PAQR9: variants seen among roughly 807,000 people sequenced by gnomAD.
The protein encoded by PAQR9 is membrane progestin receptor epsilon.
Under a neutral mutation model 24.0 loss-of-function variants are expected in PAQR9, and 12 were observed. The ratio of observed to expected loss-of-function variants is 0.50; its 90% CI spans 0.32 to 0.81. The LOEUF (loss-of-function observed/expected upper bound fraction) is 0.81. PAQR9 is among the 30% of genes least tolerant of loss of function. PAQR9 has a pLI of 0.03. For synonymous variants in PAQR9, 266 were observed against 237.6 expected, an observed-to-expected ratio of 1.12 and a Z score of -1.10; for missense variants, 418 against 520.8, an observed-to-expected ratio of 0.80 and a Z score of 1.92.
At position 142,962,706 on chromosome 3, in the gene PAQR9, C is replaced by T; in HGVS notation, c.631G>A (p.Ala211Thr). ...ACGAAGGCCACAGGCAGCACCAGGG[C>T]GCGGTAGGCGGCGATAAGGCGCGTG... ...DCTRLIAAYR[A>T]LVLPVAFVLA... Residue 211 changes from alanine to threonine, a missense_variant, in exon 1 of 1, where the codon GCC becomes ACC. Ala to Thr is a moderately conservative substitution (Grantham distance 58, BLOSUM62 0). Around this residue, in one of 3 missense-constraint regions of PAQR9, gnomAD observed 230 missense variants for 305.2 expected, o/e 0.75. Coordinates refer to ENST00000340634, the MANE Select transcript of PAQR9 (RefSeq NM_198504.4). 1.9e-6 allele frequency: 3 copies of T among 1,612,558 alleles called. No homozygotes were observed. The highest frequency in any genetic ancestry group is 2.5e-6 in the Non-Finnish European group (3 of 1,179,630).
rs1297131626 is a variant in PAQR9 at position 142,963,627 on chromosome 3, A to AGCG, written c.-294_-292dup. ...GGCGCGCGGCCGCCCGCGCTGCGGC[A>AGCG]GCGGCGGCGGCGCGGCTGACTGCGG... On this transcript the variant is annotated 5_prime_UTR_variant, in exon 1 of 1. Transcript: ENST00000340634. The AGCG allele has an allele frequency of 1.4e-6, 1 of 707,854 alleles. No individual in the cohort carries two copies. Among genetic ancestry groups the AGCG allele is most frequent in the African/African-American group, 1.9e-5 (1 of 51,452 alleles). The allele number at this position is 707,854 out of a possible 1,614,324, so 43.8% of individuals were successfully genotyped here.
In PAQR9 at chr3:142,960,596, A is replaced by G. The variant is rs1022123887; in HGVS notation, c.*1607T>C. 3.0e-4 allele frequency: 46 copies of G among 152,242 alleles called. No homozygotes were observed. Among genetic ancestry groups the G allele is most frequent in the African/African-American group, 9.9e-4 (41 of 41,450 alleles). 9.4% of individuals were successfully genotyped at this position (152,242 alleles called of 1,614,324 possible). ...AAACAAAAAAAACTCCCAATCAATG[A>G]CTTATTTGGCTTCTAACAAAATGAC... On this transcript the variant is annotated 3_prime_UTR_variant, in exon 1 of 1. Transcript: ENST00000340634.
Position 142,962,169 on chromosome 3 carries a change from T to A in PAQR9, c.*34A>T, listed in dbSNP as rs1295413161. On this transcript the variant is annotated 3_prime_UTR_variant, in exon 1 of 1. Transcript: ENST00000340634. ...AGCAACAACAGAAACTCCAAACAGA[T>A]GGGCGAACCAGTAGTCTCCTCCAAG... The A allele has an allele frequency of 6.3e-7, 1 of 1,586,730 alleles. No individual in the cohort carries two copies. Among genetic ancestry groups the A allele is most frequent in the Non-Finnish European group, 8.6e-7 (1 of 1,163,246 alleles).
At chr3:142,952,328 C>A (rs1455572423), downstream of PAQR9, among the ~76,000 whole-genome samples, 1 of 152,068 alleles carries the variant, frequency 6.6e-6, no homozygotes, top group Non-Finnish European at 1.5e-5. Flanking sequence ...GTTCAGGCAT[C>A]ACTTCGGGGT....
rs1416068059 is a variant in PAQR9 at position 142,963,247 on chromosome 3, G to A, written c.90C>T (p.His30=). 7 of 1,538,336 alleles carry A rather than the reference G, an allele frequency of 4.6e-6. No homozygotes were observed. The African/African-American group carries it at 5.5e-5, about 12-fold the overall frequency. The part of the protein sequence containing the change: ...PAASGAARNS[H]SAASRDPPAS... The stretch of plus-strand genomic sequence containing the variant: ...CTGGGGGGTCCCGGGAGGCGGCAGA[G>A]TGGGAGTTCCGGGCGGCCCCCGAAG... Residue 30 remains histidine (H), a synonymous_variant, in exon 1 of 1, where the codon CAC becomes CAT. Transcript: ENST00000340634.
rs1405795283 is a variant in PAQR9, at chr3:142,959,937, T to C, written c.*2266A>G. Among the ~76,000 whole-genome samples, 1 of 152,022 alleles carries C rather than the reference T, an allele frequency of 6.6e-6. No homozygotes were observed. The highest frequency in any genetic ancestry group is 2.4e-5 in the African/African-American group (1 of 41,352). On this transcript the variant is annotated 3_prime_UTR_variant, in exon 1 of 1. Transcript: ENST00000340634. Reference sequence around the variant, plus strand: ...TTTGGGGCTCTAGAAAAAACAACAATGACATGCAAATAAATTTGCATGTGG... The same window carrying C: ...TTTGGGGCTCTAGAAAAAACAACAACGACATGCAAATAAATTTGCATGTGG...
chr3:142,958,465 C>T lies in PAQR9; in HGVS notation c.*3738G>A, dbSNP rs561422008. ...AAAGCTTTGAAATGGAGATAACTCC[C>T]ACCATACCTGTCTCCTATTATAGCT... On this transcript the variant is annotated 3_prime_UTR_variant, in exon 1 of 1. Transcript: ENST00000340634. Among the ~76,000 whole-genome samples the T allele has an allele frequency of 1.3e-5, 2 of 152,316 alleles. No individual in the cohort carries two copies. The highest frequency in any genetic ancestry group is 4.8e-5 in the African/African-American group (2 of 41,570).
Position 142,962,085 on chromosome 3 carries a change from G to T in PAQR9, c.*118C>A. 2 of 1,223,816 alleles carry T rather than the reference G, an allele frequency of 1.6e-6. No individual in the cohort carries two copies. Among genetic ancestry groups the T allele is most frequent in the Non-Finnish European group, 2.3e-6 (2 of 871,212 alleles). The allele number at this position is 1,223,816 out of a possible 1,614,324, so 75.8% of individuals were successfully genotyped here. A position where few individuals can be genotyped will look rare whatever the true frequency, so the allele number is the denominator to read the frequency against. On this transcript the variant is annotated 3_prime_UTR_variant, in exon 1 of 1. Coordinates refer to ENST00000340634, the MANE Select transcript of PAQR9 (RefSeq NM_198504.4). ...CAGTGAACTTTTTCCCTATGGTTTT[G>T]CAGCACCTTCCTTGAGCAAAGAAGA...
chr3:142,957,838 G>C lies in PAQR9; in HGVS notation c.*4365C>G, dbSNP rs1277521882. The stretch of plus-strand genomic sequence containing the variant: ...CAGAAAAAGAAAAAAGAAAGAAATT[G>C]ATTGCTGAGGAAGTCAGCATGTGAA... On this transcript the variant is annotated 3_prime_UTR_variant, in exon 1 of 1. Coordinates refer to ENST00000340634, the MANE Select transcript of PAQR9 (RefSeq NM_198504.4). Among the ~76,000 whole-genome samples, 1 of 152,192 alleles carries C rather than the reference G, an allele frequency of 6.6e-6. No homozygotes were observed. Among genetic ancestry groups the C allele is most frequent in the Non-Finnish European group, 1.5e-5 (1 of 68,032 alleles).
rs1482506016 is a variant in PAQR9, at chr3:142,962,121, A to G, written c.*82T>C. The G allele has an allele frequency of 7.6e-6, 11 of 1,455,958 alleles. No homozygotes were observed. The highest frequency in any genetic ancestry group is 1.0e-5 in the Non-Finnish European group (11 of 1,066,206). The allele number at this position is 1,455,958 out of a possible 1,614,324, so 90.2% of individuals were successfully genotyped here. A position where few individuals can be genotyped will look rare whatever the true frequency, so the allele number is the denominator to read the frequency against. Reference sequence around the variant, plus strand: ...CTTGAGCAAAGAAGAAAACACAATGAAATTTGAAAACAAACCAACAATAGC... The same window carrying G: ...CTTGAGCAAAGAAGAAAACACAATGGAATTTGAAAACAAACCAACAATAGC... On this transcript the variant is annotated 3_prime_UTR_variant, in exon 1 of 1. Coordinates refer to ENST00000340634, the MANE Select transcript of PAQR9 (RefSeq NM_198504.4).
upstream of PAQR9, chr3:142,963,823 A>G (rs1934971668): frequency 1.3e-4 from 128 of 984,916 alleles, 3 homozygotes; most frequent in South Asian, 5.3e-3. Flanking sequence ...TTCGGGGGAT[A>G]GAGTTGTCCC....
chr3:142,954,335 C>T (rs559064225), downstream of PAQR9, among the ~76,000 whole-genome samples: 1 of 152,124 alleles, frequency 6.6e-6, no homozygotes, highest in South Asian at 2.1e-4. Context: ...TATTTTCTTA[C>T]AAGATATGGC....
rs1275564232 is a variant in PAQR9, at chr3:142,963,104, A to C, written c.233T>G (p.Leu78Arg). Reference protein sequence around the residue: ...CTAQECLASVLKPTNETLNFW... With the variant: ...CTAQECLASVRKPTNETLNFW... The stretch of plus-strand genomic sequence containing the variant: ...GTTGAGCGTCTCGTTGGTAGGCTTC[A>C]GCACCGAGGCTAGGCACTCCTGGGC... The change falls in exon 1 of 1, where the codon CTG (leucine) becomes CGG (arginine). Residue 78 changes from leucine to arginine, a missense_variant. Leu to Arg is a moderately radical substitution (Grantham distance 102). Coordinates refer to ENST00000340634, the MANE Select transcript of PAQR9 (RefSeq NM_198504.4). 6.2e-7 allele frequency: 1 copy of C among 1,613,930 alleles called. No individual in the cohort carries two copies. The highest frequency in any genetic ancestry group is 8.5e-7 in the Non-Finnish European group (1 of 1,179,904).
Position 142,960,377 on chromosome 3 carries a change from G to A in PAQR9, c.*1826C>T, listed in dbSNP as rs1433560698. ...GATCTAAGTTATATCATAAAATCAA[G>A]ATGCACCTGTGGGACATGATCATCC... On this transcript the variant is annotated 3_prime_UTR_variant, in exon 1 of 1. Coordinates refer to ENST00000340634, the MANE Select transcript of PAQR9 (RefSeq NM_198504.4). The A allele has an allele frequency of 6.6e-6, 1 of 152,190 alleles. No individual in the cohort carries two copies. The highest frequency in any genetic ancestry group is 2.4e-5 in the African/African-American group (1 of 41,416). The allele number at this position is 152,190 out of a possible 1,614,324, so 9.4% of individuals were successfully genotyped here. A position where few individuals can be genotyped will look rare whatever the true frequency, so the allele number is the denominator to read the frequency against.
chr3:142,950,655 A>G, downstream of PAQR9: 3 of 328,994 alleles, frequency 9.1e-6, no homozygotes, highest in Middle Eastern at 4.0e-4. Flanking sequence ...AATTATATGA[A>G]GACCTGTGCA....
rs111707203 is a variant in PAQR9 at position 142,963,166 on chromosome 3, G to A, written c.171C>T (p.Cys57=). ...GACGCCGGTAGCCCGACAGGATGAAGCACTCCACGAAGTCGTCGGGCACCT... is the reference window on the plus strand; with the variant it reads ...GACGCCGGTAGCCCGACAGGATGAAACACTCCACGAAGTCGTCGGGCACCT... ...WDEVPDDFVE[C]FILSGYRRLP... is the part of the protein sequence containing the mutation. Residue 57 remains cysteine (C), a synonymous_variant, in exon 1 of 1, where the codon TGC becomes TGT. Transcript: ENST00000340634. The A allele has an allele frequency of 1.3e-3, 2,047 of 1,600,416 alleles. 23 individuals are homozygous for A. In the African/African-American group the frequency reaches 0.024, roughly 19 times the overall value.
rs150071656 is a variant in PAQR9 at position 142,955,442 on chromosome 3, TAAAAAAAAA to T, written c.*6752_*6760del. ...GAGCGACCACATGGTCTATACAAATTAAAAAAAAAAAAAAAAAAAAAAAAAAAAAAAAAA... is the reference window on the plus strand; with the variant it reads ...GAGCGACCACATGGTCTATACAAATTAAAAAAAAAAAAAAAAAAAAAAAAA... On this transcript the variant is annotated 3_prime_UTR_variant, in exon 1 of 1. Transcript: ENST00000340634. Among the ~76,000 whole-genome samples, 40 of 21,602 alleles carry T rather than the reference TAAAAAAAAA, an allele frequency of 1.9e-3. No homozygotes were observed. Among genetic ancestry groups the T allele is most frequent in the Admixed American group, 3.0e-3 (3 of 988 alleles). The allele number at this position is 21,602 out of a possible 152,430, so 14.2% of individuals were successfully genotyped here. A position where few individuals can be genotyped will look rare whatever the true frequency, so the allele number is the denominator to read the frequency against.
In PAQR9 at chr3:142,963,575, C is replaced by T. The variant is rs1308091985; in HGVS notation, c.-239G>A. The T allele has an allele frequency of 1.1e-6, 1 of 934,720 alleles. No homozygotes were observed. The highest frequency in any genetic ancestry group is 4.9e-5 in the South Asian group (1 of 20,248). The allele number at this position is 934,720 out of a possible 1,614,324, so 57.9% of individuals were successfully genotyped here. On this transcript the variant is annotated 5_prime_UTR_variant, in exon 1 of 1. Coordinates refer to ENST00000340634, the MANE Select transcript of PAQR9 (RefSeq NM_198504.4). Reference sequence around the variant, plus strand: ...GGAGCGCGGAGCGCGCGAGGCTCAGCGGCTTCCTCGCCAAGCCCCTGCTAC... The same window carrying T: ...GGAGCGCGGAGCGCGCGAGGCTCAGTGGCTTCCTCGCCAAGCCCCTGCTAC...
upstream of PAQR9, chr3:142,963,780 C>T (rs1342800591): frequency 1.1e-4 from 108 of 976,212 alleles, no homozygotes; most frequent in Non-Finnish European, 1.3e-4. Context: ...CGAGGAAGGG[C>T]GGGGGCCTCC....
Sources: gnomAD v4.1 joint callset for allele counts (sites outside exome capture counted in the v4.1 genomes callset) on GRCh38, gnomAD v4.1.1 for gene constraint, gnomAD v4.1.1 regional missense constraint, MANE v1.5 for transcripts, NCBI Gene and HGNC (gene_info 2026-07-23, HGNC 2026-07-21) for gene names.